FRMD4A: variants seen among roughly 807,000 people sequenced by gnomAD.
FRMD4A encodes FERM domain-containing protein 4A.
A neutral mutation model predicts 129.1 loss-of-function variants in FRMD4A; 29 were observed. That is an observed-to-expected ratio of 0.22 (90% CI 0.17 to 0.31). The LOEUF (loss-of-function observed/expected upper bound fraction) is 0.31. Among genes scored for constraint, FRMD4A ranks in the 10% least tolerant of loss-of-function variants. FRMD4A has a pLI of 1.00. For missense variants in FRMD4A, 1,272 were observed against 1,375.8 expected (o/e 0.92, Z 1.19); for synonymous variants, 634 against 571.6 (o/e 1.11, Z -1.56).
At chr10:13,994,175 ATTT>A (rs549621959) in intron 2 of FRMD4A, among the ~76,000 whole-genome samples, 15 of 101,960 alleles carry the variant, frequency 1.5e-4, no homozygotes, top group South Asian at 6.2e-4. Flanking sequence ...CGCCCAGCTA[ATTT>A]TTTTTTTTTT....
chr10:13,813,773 C>T (rs1055992466), intron 3 of FRMD4A, among the ~76,000 whole-genome samples: 1 of 152,196 alleles, frequency 6.6e-6, no homozygotes, highest in Admixed American at 6.5e-5. Context: ...GCGTATTGTA[C>T]CGCGTACTGC....
At chr10:13,948,065 A>C (rs1032744627) in intron 2 of FRMD4A, among the ~76,000 whole-genome samples, 5 of 152,162 alleles carry the variant, frequency 3.3e-5, no homozygotes, top group East Asian at 1.9e-4. Flanking sequence ...AAAAAAAAAA[A>C]AACACCTTAT....
At chr10:13,703,183 T>TCG (rs1354330912) in intron 13 of FRMD4A, among the ~76,000 whole-genome samples, 1 of 152,106 alleles carries the variant, frequency 6.6e-6, no homozygotes, top group Non-Finnish European at 1.5e-5. Context: ...ATTTCTCAGG[T>TCG]ACCGGGAGGG....
rs189275821 is a variant in FRMD4A, at chr10:14,250,052, C to T, written c.45+80006G>A. 6.1e-3 allele frequency among the ~76,000 whole-genome samples: 919 copies of T among 150,998 alleles called. 6 individuals are homozygous for T. Among genetic ancestry groups the T allele is most frequent in the Non-Finnish European group, 8.3e-3 (561 of 67,588 alleles). On this transcript the variant is annotated intron_variant, in intron 2 of 24. Coordinates refer to ENST00000357447, the MANE Select transcript of FRMD4A (RefSeq NM_018027.5). ...TCGGCTCACTGCAACCTCCACCTCC[C>T]GGGTTCAAGTGAATTCTCCTGCCTC...
chr10:13,796,570 A>C lies in FRMD4A; in HGVS notation c.225T>G (p.Leu75=), dbSNP rs752665118. Reference sequence around the variant, plus strand: ...GTTCCAATACTCTTCGATCTAGCTGAAGCCAGTTTAAGTGTCCCCTGAAGA... The same window carrying C: ...GTTCCAATACTCTTCGATCTAGCTGCAGCCAGTTTAAGTGTCCCCTGAAGA... ...FTDETGHLNW[L]QLDRRVLEHD... is the part of the protein sequence containing the mutation. The change falls in exon 5 of 25, where the codon CTT becomes CTG. Residue 75 remains leucine, a synonymous_variant. Transcript: ENST00000357447. The C allele has an allele frequency of 2.5e-6, 4 of 1,593,372 alleles. No individual in the cohort carries two copies. In the African/African-American group the frequency reaches 5.4e-5, roughly 21 times the overall value.
chr10:13,861,948 G>A (rs1881578), intron 2 of FRMD4A, among the ~76,000 whole-genome samples: 143,164 of 152,342 alleles, frequency 0.94, 67,305 homozygotes, highest in East Asian at 0.98. Flanking sequence ...TCAAGTTTCA[G>A]TAGGGCAGAT....
intron 2 of FRMD4A, among the ~76,000 whole-genome samples, chr10:14,125,504 C>T (rs1477444035): frequency 6.6e-6 from 1 of 152,098 alleles, no homozygotes; most frequent in Non-Finnish European, 1.5e-5. Context: ...GCTGGATGAC[C>T]TCTTTAAACA....
At chr10:13,732,478 A>T (rs1049436526) in intron 12 of FRMD4A, among the ~76,000 whole-genome samples, 1 of 152,178 alleles carries the variant, frequency 6.6e-6, no homozygotes, top group African/African-American at 2.4e-5. Context: ...GAGAGGGAGC[A>T]GACTCACCCC....
At chr10:14,305,838 G>A (rs573265829) in intron 2 of FRMD4A, among the ~76,000 whole-genome samples, 1 of 152,298 alleles carries the variant, frequency 6.6e-6, no homozygotes, top group South Asian at 2.1e-4. Flanking sequence ...GACATGGATG[G>A]AGCTAGAAGT....
Position 13,873,342 on chromosome 10 carries a change from C to T in FRMD4A, c.46-14430G>A, listed in dbSNP as rs76893540. ...GTTCATATGGGATGGTGACTTTAAA[C>T]GTAAAATTTTGATCACATGATAAAA... On this transcript the variant is annotated intron_variant, in intron 2 of 24. Coordinates refer to ENST00000357447, the MANE Select transcript of FRMD4A (RefSeq NM_018027.5). Among the ~76,000 whole-genome samples the T allele has an allele frequency of 4.6e-3, 675 of 147,730 alleles. 4 individuals are homozygous for T. The highest frequency in any genetic ancestry group is 5.0e-3 in the Non-Finnish European group (336 of 67,366).
intron 5 of FRMD4A, among the ~76,000 whole-genome samples, chr10:13,784,198 T>G (rs1017502043): frequency 2.0e-5 from 3 of 151,974 alleles, no homozygotes; most frequent in African/African-American, 7.3e-5. Flanking sequence ...TTTTCTAGAA[T>G]AGTGTTATAA....
At chr10:14,022,927 T>A (rs1373209846) in intron 2 of FRMD4A, among the ~76,000 whole-genome samples, 1 of 152,170 alleles carries the variant, frequency 6.6e-6, no homozygotes, top group African/African-American at 2.4e-5. Flanking sequence ...AACAGTTCCC[T>A]GATTAATTCG....
chr10:14,148,701 G>T (rs1439155251), intron 2 of FRMD4A, among the ~76,000 whole-genome samples: 2 of 151,834 alleles, frequency 1.3e-5, no homozygotes, highest in East Asian at 3.9e-4. Context: ...GGTGGAGGTT[G>T]CAGTAAGCCG....
At chr10:14,249,339 A>G (rs1717483) in intron 2 of FRMD4A, among the ~76,000 whole-genome samples, 4,764 of 145,410 alleles carry the variant, frequency 0.033, 291 homozygotes, top group African/African-American at 0.11. Context: ...GCGACAGAGC[A>G]AGAATCTGTC....
chr10:14,144,285 C>G (rs1367274809), intron 2 of FRMD4A, among the ~76,000 whole-genome samples: 1 of 152,098 alleles, frequency 6.6e-6, no homozygotes, highest in African/African-American at 2.4e-5. Flanking sequence ...CCTTTAGGAA[C>G]CCCTTGGAGA....
At chr10:14,296,917 C>T (rs1846027504) in intron 2 of FRMD4A, among the ~76,000 whole-genome samples, 1 of 152,176 alleles carries the variant, frequency 6.6e-6, no homozygotes, top group Non-Finnish European at 1.5e-5. Context: ...TCCAGTCCTT[C>T]CTTCTGTGCC....
intron 2 of FRMD4A, among the ~76,000 whole-genome samples, chr10:14,323,593 C>T (rs1397008920): frequency 6.6e-6 from 1 of 151,990 alleles, no homozygotes; most frequent in Non-Finnish European, 1.5e-5. Flanking sequence ...TTTTGCCCTT[C>T]CTAGCATCCC....
chr10:13,653,923 C>A, intron 23 of FRMD4A: 1 of 184,418 alleles, frequency 5.4e-6, no homozygotes, highest in African/African-American at 2.3e-5. Context: ...GGCACCTGAT[C>A]TCTTTTGTGT....
chr10:14,113,919 T>C (rs1536450), intron 2 of FRMD4A, among the ~76,000 whole-genome samples: 57,036 of 152,010 alleles, frequency 0.38, 11,373 homozygotes, highest in East Asian at 0.53. Flanking sequence ...TCCGAGCCTC[T>C]GCTGCTCTGC....
Sources: allele counts gnomAD v4.1 joint callset (sites outside exome capture counted in the v4.1 genomes callset), GRCh38; gene constraint gnomAD v4.1.1; transcripts MANE v1.5; gene names NCBI Gene and HGNC (gene_info 2026-07-23, HGNC 2026-07-21).